ST8SIA6: variants seen among roughly 807,000 people sequenced by gnomAD.
The protein encoded by ST8SIA6 is ST8 alpha-N-acetyl-neuraminide alpha-2,8-sialyltransferase 6.
A neutral mutation model predicts 33.6 loss-of-function variants in ST8SIA6; 39 were observed. That is an observed-to-expected ratio of 1.16 (90% CI 0.90 to 1.52). The LOEUF is 1.52. Ranked by LOEUF, ST8SIA6 falls within the 40% of genes most tolerant of loss-of-function variation. The pLI, the probability that ST8SIA6 is intolerant of heterozygous loss-of-function variation, is 0.00. For missense variants in ST8SIA6, 441 were observed against 443.8 expected, an observed-to-expected ratio of 0.99 and a Z score of 0.06; for synonymous variants, 172 against 167.2, an observed-to-expected ratio of 1.03 and a Z score of -0.22.
intron 2 of ST8SIA6, among the ~76,000 whole-genome samples, chr10:17,416,304 C>T (rs1851605967): frequency 6.6e-6 from 1 of 152,178 alleles, no homozygotes; most frequent in South Asian, 2.1e-4. Context: ...ATCCCCTTTT[C>T]TTCTCCACCT....
At chr10:17,348,106 CTAT>C (rs1376299168) in intron 4 of ST8SIA6, among the ~76,000 whole-genome samples, 1 of 151,008 alleles carries the variant, frequency 6.6e-6, no homozygotes, top group East Asian at 1.9e-4. Context: ...TAGGTCACTG[CTAT>C]TATTGTTCAA....
chr10:17,453,480 TC>T, intron 2 of ST8SIA6, 78 bp downstream of exon 2: 1 of 1,137,076 alleles, frequency 8.8e-7, no homozygotes. Flanking sequence ...TCCCAACGAG[TC>T]CAAGCCGGTG....
chr10:17,399,053 T>C (rs1215522159), intron 2 of ST8SIA6: 1 of 152,242 alleles, frequency 6.6e-6, no homozygotes, highest in Non-Finnish European at 1.5e-5. Flanking sequence ...ATAAATCGTC[T>C]TGTATGAATC....
At chr10:17,325,828 A>G (rs45458399) in intron 6 of ST8SIA6, among the ~76,000 whole-genome samples, 2,859 of 152,326 alleles carry the variant, frequency 0.019, 30 homozygotes, top group African/African-American at 0.023. Context: ...TTTTAGAATT[A>G]TAAGTGAAAT....
intron 3 of ST8SIA6, among the ~76,000 whole-genome samples, chr10:17,371,112 T>C (rs778398746): frequency 6.6e-6 from 1 of 152,080 alleles, no homozygotes; most frequent in Non-Finnish European, 1.5e-5. Flanking sequence ...ATGGTATGGC[T>C]AAAAAGAGAG....
chr10:17,438,250 G>C (rs1852353954), intron 2 of ST8SIA6, among the ~76,000 whole-genome samples: 1 of 152,098 alleles, frequency 6.6e-6, no homozygotes, highest in Non-Finnish European at 1.5e-5. Context: ...CATCTTTCTT[G>C]ATAAGTATGT....
At chr10:17,329,635 A>G (rs1848235380) in intron 5 of ST8SIA6, among the ~76,000 whole-genome samples, 1 of 152,238 alleles carries the variant, frequency 6.6e-6, no homozygotes, top group African/African-American at 2.4e-5. Flanking sequence ...ATGGTATAAA[A>G]TAGAAAAGAT....
At chr10:17,398,592 A>G (rs2131674930) in intron 2 of ST8SIA6, among the ~76,000 whole-genome samples, 1 of 152,370 alleles carries the variant, frequency 6.6e-6, no homozygotes, top group South Asian at 2.1e-4. Context: ...AATTCTATTT[A>G]CAATGACTAT....
rs562194215 is a variant in ST8SIA6 at position 17,375,606 on chromosome 10, T to C, written c.290+14925A>G. Among the ~76,000 whole-genome samples the C allele has an allele frequency of 7.2e-5, 11 of 152,340 alleles. No individual in the cohort carries two copies. In the South Asian group the frequency reaches 2.1e-3, roughly 29 times the overall value. Reference sequence around the variant, plus strand: ...ACAGCATGAAATAGCTCATCAAACATAGACACTCACCTATGGCGTAAGCCG... The same window carrying C: ...ACAGCATGAAATAGCTCATCAAACACAGACACTCACCTATGGCGTAAGCCG... On this transcript the variant is annotated intron_variant, in intron 3 of 7. Transcript: ENST00000377602.
At position 17,316,678 on chromosome 10, in the gene ST8SIA6, C is replaced by T. The variant is rs1185321953; in HGVS notation, c.*4200G>A. On this transcript the variant is annotated 3_prime_UTR_variant, in exon 8 of 8. Transcript: ENST00000377602. ...TTTACCAATGCAATGGATGTAGTAT[C>T]TCACTTTCATTTGCATTTCTCAGGT... is the stretch of plus-strand genomic sequence containing the variant. Among the ~76,000 whole-genome samples, 1 of 152,124 alleles carries T rather than the reference C, an allele frequency of 6.6e-6. No individual in the cohort carries two copies. Among genetic ancestry groups the T allele is most frequent in the East Asian group, 1.9e-4 (1 of 5,196 alleles).
chr10:17,340,047 T>A (rs1351743300), intron 4 of ST8SIA6, among the ~76,000 whole-genome samples: 1 of 152,196 alleles, frequency 6.6e-6, no homozygotes, highest in African/African-American at 2.4e-5. Flanking sequence ...GAATTCAAAC[T>A]ATTCCTCTAA....
At chr10:17,378,983 G>A (rs1459033440) in intron 3 of ST8SIA6, among the ~76,000 whole-genome samples, 2 of 152,030 alleles carry the variant, frequency 1.3e-5, no homozygotes, top group East Asian at 1.9e-4. Flanking sequence ...AAAATTAGCT[G>A]GGCGTGGTGG....
intron 3 of ST8SIA6, among the ~76,000 whole-genome samples, chr10:17,365,523 C>T (rs1174819137): frequency 6.6e-6 from 1 of 152,144 alleles, no homozygotes; most frequent in African/African-American, 2.4e-5. Flanking sequence ...TATGAAATCT[C>T]ACATCATCCT....
At chr10:17,418,462 T>A (rs539025717) in intron 2 of ST8SIA6, among the ~76,000 whole-genome samples, 3 of 152,206 alleles carry the variant, frequency 2.0e-5, no homozygotes, top group Non-Finnish European at 4.4e-5. Flanking sequence ...CATGGGCCTG[T>A]GATTTCAACA....
chr10:17,322,702 T>G (rs2131574490), intron 7 of ST8SIA6, among the ~76,000 whole-genome samples: 1 of 152,306 alleles, frequency 6.6e-6, no homozygotes. Context: ...GCCCTTACTC[T>G]CTGAAGTTTC....
At chr10:17,368,232 CAAAAAAAAAAAA>C (rs61426907) in intron 3 of ST8SIA6, among the ~76,000 whole-genome samples, 46 of 74,162 alleles carry the variant, frequency 6.2e-4, no homozygotes, top group Non-Finnish European at 8.6e-4. Context: ...CCTGTCTCTA[CAAAAAAAAAAAA>C]AAAAAAAAAA....
chr10:17,333,717 A>ATTTTTTT lies in ST8SIA6; in HGVS notation c.378-2172_378-2166dup, dbSNP rs71392102. 4.1e-3 allele frequency among the ~76,000 whole-genome samples: 139 copies of ATTTTTTT among 33,762 alleles called. 12 individuals are homozygous for ATTTTTTT. The highest frequency in any genetic ancestry group is 0.018 in the African/African-American group (103 of 5,720). 22.1% of individuals were successfully genotyped at this position (33,762 alleles called of 152,430 possible). A position where few individuals can be genotyped will look rare whatever the true frequency, so the allele number is the denominator to read the frequency against. On this transcript the variant is annotated intron_variant, in intron 4 of 7. Transcript: ENST00000377602. ...TATATATATATATATATATATATAT[A>ATTTTTTT]TTTTTTTTTTTTTTTTTTTTTTTTG...
chr10:17,404,643 C>G (rs1242352987), intron 2 of ST8SIA6, among the ~76,000 whole-genome samples: 1 of 152,144 alleles, frequency 6.6e-6, no homozygotes, highest in Non-Finnish European at 1.5e-5. Flanking sequence ...CCCTAGTCAG[C>G]CTTACCCAGA....
intron 1 of ST8SIA6, 116 bp from the exon 2 acceptor site, chr10:17,453,773 G>T (rs554515980): frequency 1.3e-6 from 1 of 768,244 alleles, no homozygotes; most frequent in Non-Finnish European, 1.8e-6. Flanking sequence ...CGGCTCCCAG[G>T]CCAGGTCCCC....
Sources: gnomAD v4.1 joint callset for allele counts (sites outside exome capture counted in the v4.1 genomes callset) on GRCh38, gnomAD v4.1.1 for gene constraint, MANE v1.5 for transcripts, NCBI Gene and HGNC (gene_info 2026-07-23, HGNC 2026-07-21) for gene names.